The following STXBP6 variants were observed in gnomAD, a reference collection of about 807,000 sequenced individuals.
STXBP6 encodes syntaxin-binding protein 6.
In STXBP6, 21 loss-of-function variants were observed where a neutral mutation model predicts 26.9. That is an observed-to-expected ratio of 0.78 (90% CI 0.55 to 1.12). The LOEUF is 1.12. Ranked by LOEUF, STXBP6 falls within the 50% of genes most tolerant of loss-of-function variation. The probability of loss-of-function intolerance (pLI) is 0.00; values close to 1 mark genes in which losing one functional copy is unlikely to be tolerated. For missense variants in STXBP6, 232 were observed against 257.9 expected (o/e 0.90, Z 0.69); for synonymous variants, 97 against 92.6 (o/e 1.05, Z -0.27).
At chr14:24,884,072 T>C (rs1211901892) in intron 2 of STXBP6, among the ~76,000 whole-genome samples, 2 of 151,942 alleles carry the variant, frequency 1.3e-5, no homozygotes, top group Non-Finnish European at 2.9e-5. Context: ...ACTGTATAGC[T>C]ATCTCTGCCA....
chr14:24,974,998 T>A, intron 1 of STXBP6, 148 bp from the exon 2 acceptor site: 1 of 487,366 alleles, frequency 2.1e-6, no homozygotes, highest in Non-Finnish European at 3.5e-6. Flanking sequence ...ATAGAAACAT[T>A]AAAAGCAAGG....
rs145596121 is a variant in STXBP6 at position 24,987,047 on chromosome 14, G to A, written c.-32-12197C>T. 1.5e-3 allele frequency among the ~76,000 whole-genome samples: 225 copies of A among 152,122 alleles called. 1 individual carries two copies. Among genetic ancestry groups the A allele is most frequent in the African/African-American group, 5.3e-3 (219 of 41,502 alleles). ...AAATAACTAACTTCTGACCTAACTAGCTGTGCAGTGTTTGATAGGAAGGAA... is the reference window on the plus strand; with the variant it reads ...AAATAACTAACTTCTGACCTAACTAACTGTGCAGTGTTTGATAGGAAGGAA... On this transcript the variant is annotated intron_variant, in intron 1 of 5. Coordinates refer to ENST00000323944, the MANE Select transcript of STXBP6 (RefSeq NM_001394410.1).
At chr14:25,023,314 A>T (rs2075292683) in intron 1 of STXBP6, among the ~76,000 whole-genome samples, 1 of 152,170 alleles carries the variant, frequency 6.6e-6, no homozygotes, top group Non-Finnish European at 1.5e-5. Context: ...GTTTGAAAAA[A>T]AAAAAGCCCG....
At chr14:25,010,004 C>T (rs931875437) in intron 1 of STXBP6, among the ~76,000 whole-genome samples, 4 of 152,110 alleles carry the variant, frequency 2.6e-5, no homozygotes, top group South Asian at 2.1e-4. Context: ...ACTGAGCTCC[C>T]GGGCAAAGGA....
chr14:25,033,534 A>G (rs2075498289), intron 1 of STXBP6, among the ~76,000 whole-genome samples: 1 of 152,172 alleles, frequency 6.6e-6, no homozygotes, highest in South Asian at 2.1e-4. Flanking sequence ...ACTTCCAGCC[A>G]TAGAGGGCTT....
intron 2 of STXBP6, among the ~76,000 whole-genome samples, chr14:24,936,756 T>C (rs977403223): frequency 6.6e-6 from 1 of 152,206 alleles, no homozygotes; most frequent in Non-Finnish European, 1.5e-5. Flanking sequence ...ATGATTACCA[T>C]TCTAACTGGC....
intron 2 of STXBP6, among the ~76,000 whole-genome samples, chr14:24,904,732 A>G (rs1327465671): frequency 6.6e-6 from 1 of 152,144 alleles, no homozygotes; most frequent in Non-Finnish European, 1.5e-5. Flanking sequence ...GCCAGGAAGA[A>G]AGTCCTCTAG....
At chr14:24,820,083 G>A (rs540959591) in intron 4 of STXBP6, among the ~76,000 whole-genome samples, 4 of 152,336 alleles carry the variant, frequency 2.6e-5, no homozygotes, top group Admixed American at 2.0e-4. Context: ...ATAAATCACT[G>A]AGAAATAGCA....
intron 2 of STXBP6, among the ~76,000 whole-genome samples, chr14:24,957,445 C>A (rs1277129376): frequency 6.6e-6 from 1 of 152,172 alleles, no homozygotes. Context: ...CTCTTCTGCC[C>A]GCTGATAGAA....
rs150486883 is a variant in STXBP6, at chr14:24,903,748, G to A, written c.155-46591C>T. On this transcript the variant is annotated intron_variant, in intron 2 of 5. Coordinates refer to ENST00000323944, the MANE Select transcript of STXBP6 (RefSeq NM_001394410.1). ...TATGAACTTAAAAACCCAGTTTAAA[G>A]CAAAACTTCACCATTCACTCCAGTT... Among the ~76,000 whole-genome samples, 383 of 152,242 alleles carry A rather than the reference G, an allele frequency of 2.5e-3. 1 individual carries two copies. The highest frequency in any genetic ancestry group is 6.2e-3 in the South Asian group (30 of 4,812).
chr14:24,944,218 A>C (rs542584056), intron 2 of STXBP6, among the ~76,000 whole-genome samples: 2 of 152,310 alleles, frequency 1.3e-5, no homozygotes, highest in Admixed American at 1.3e-4. Flanking sequence ...GAACCTATTG[A>C]GTTCTGCCAC....
intron 1 of STXBP6, among the ~76,000 whole-genome samples, chr14:24,977,348 C>G (rs1345538229): frequency 1.3e-5 from 2 of 151,660 alleles, no homozygotes. Flanking sequence ...AAATCCTGTT[C>G]TTTTTAAAAA....
intron 2 of STXBP6, among the ~76,000 whole-genome samples, chr14:24,906,458 G>C (rs2071390257): frequency 6.6e-6 from 1 of 152,184 alleles, no homozygotes; most frequent in South Asian, 2.1e-4. Context: ...ATGATCATCT[G>C]TGTGCAGAAA....
chr14:24,882,198 T>G (rs2139436165), intron 2 of STXBP6, among the ~76,000 whole-genome samples: 1 of 149,556 alleles, frequency 6.7e-6, no homozygotes, highest in African/African-American at 2.5e-5. Context: ...GCTAAAACGG[T>G]GAAACCCCGT....
At chr14:24,938,786 C>A (rs1438975428) in intron 2 of STXBP6, among the ~76,000 whole-genome samples, 1 of 152,150 alleles carries the variant, frequency 6.6e-6, no homozygotes. Flanking sequence ...TCAAGAGGAT[C>A]TTAAACATGA....
chr14:25,006,030 T>C (rs2074889467), intron 1 of STXBP6, among the ~76,000 whole-genome samples: 1 of 152,214 alleles, frequency 6.6e-6, no homozygotes, highest in African/African-American at 2.4e-5. Flanking sequence ...TTCAGGATTA[T>C]GACACTCAGG....
chr14:24,955,850 T>C, intron 2 of STXBP6, among the ~76,000 whole-genome samples: 1 of 152,188 alleles, frequency 6.6e-6, no homozygotes, highest in East Asian at 1.9e-4. Context: ...GTAAGCCAGG[T>C]GCTTCATATA....
At chr14:24,962,406 G>A (rs946008219) in intron 2 of STXBP6, among the ~76,000 whole-genome samples, 3 of 151,120 alleles carry the variant, frequency 2.0e-5, no homozygotes, top group Admixed American at 6.6e-5. Context: ...CTGTGCTCAC[G>A]GCAACGTCTG....
intron 1 of STXBP6, among the ~76,000 whole-genome samples, chr14:25,046,520 G>A (rs1403049968): frequency 2.0e-5 from 3 of 150,470 alleles, no homozygotes; most frequent in Non-Finnish European, 3.0e-5. Context: ...GATAAAGCAT[G>A]ACAGTGAGCT....
Sources: allele counts gnomAD v4.1 joint callset (sites outside exome capture counted in the v4.1 genomes callset), GRCh38; gene constraint gnomAD v4.1.1; transcripts MANE v1.5; gene names NCBI Gene and HGNC (gene_info 2026-07-23, HGNC 2026-07-21).